The following SLCO2A1 variants were observed in gnomAD, a reference collection of about 807,000 sequenced individuals.
SLCO2A1 encodes solute carrier organic anion transporter family member 2A1.
Under a neutral mutation model 71.7 loss-of-function variants are expected in SLCO2A1, and 60 were observed. The observed-to-expected ratio is 0.84, with a 90% confidence interval of 0.68 to 1.04. SLCO2A1 has a LOEUF of 1.04. SLCO2A1 is among the 50% of genes least tolerant of loss of function. The probability of loss-of-function intolerance (pLI) is 0.00; values close to 1 mark genes in which losing one functional copy is unlikely to be tolerated. For missense variants in SLCO2A1, 745 were observed against 813.4 expected, an observed-to-expected ratio of 0.92 and a Z score of 1.02; for synonymous variants, 308 against 326.7, an observed-to-expected ratio of 0.94 and a Z score of 0.62.
chr3:134,006,812 G>A (rs1294374217), intron 1 of SLCO2A1, among the ~76,000 whole-genome samples: 1 of 152,152 alleles, frequency 6.6e-6, no homozygotes, highest in African/African-American at 2.4e-5. Context: ...TTGAGACCCT[G>A]CTTTCAATGT....
At chr3:133,999,664 G>T (rs547773561) in intron 1 of SLCO2A1, among the ~76,000 whole-genome samples, 2 of 152,316 alleles carry the variant, frequency 1.3e-5, no homozygotes, top group East Asian at 3.9e-4. Flanking sequence ...TGAGGCTGGA[G>T]CTGAGGTTTT....
Position 133,933,985 on chromosome 3 carries a change from C to T in SLCO2A1, c.*728G>A, listed in dbSNP as rs1933205118. The stretch of plus-strand genomic sequence containing the variant: ...AAAGACAGGGATAACATGTGAGGAT[C>T]TAAGGACAGAAAGTCCAGGGTTCAT... On this transcript the variant is annotated 3_prime_UTR_variant, in exon 14 of 14. Transcript: ENST00000310926. The T allele has an allele frequency of 6.6e-6, 1 of 152,258 alleles. No individual in the cohort carries two copies. The highest frequency in any genetic ancestry group is 2.4e-5 in the African/African-American group (1 of 41,454). The allele number at this position is 152,258 out of a possible 1,614,324, so 9.4% of individuals were successfully genotyped here. A position where few individuals can be genotyped will look rare whatever the true frequency, so the allele number is the denominator to read the frequency against.
intron 1 of SLCO2A1, among the ~76,000 whole-genome samples, chr3:134,020,694 GT>G (rs973994601): frequency 1.3e-5 from 2 of 150,638 alleles, no homozygotes; most frequent in African/African-American, 4.9e-5. Flanking sequence ...TTTGGTTTTG[GT>G]TTTGACTTGG....
chr3:133,938,352 G>A (rs941640816), intron 12 of SLCO2A1, 77 bp downstream of exon 12: 11 of 1,269,004 alleles, frequency 8.7e-6, no homozygotes, highest in African/African-American at 7.3e-5. Flanking sequence ...TTCCTCCATC[G>A]CTACCCTGCA....
At position 133,932,721 on chromosome 3, in the gene SLCO2A1, T is replaced by C. The variant is rs1576422138; in HGVS notation, c.*1992A>G. ...TTACCTCAATAGCAAAATTAGAATA[T>C]TTTAATAGTAATATAATAGAATAAA... is the stretch of plus-strand genomic sequence containing the variant. On this transcript the variant is annotated 3_prime_UTR_variant, in exon 14 of 14. Transcript: ENST00000310926. The C allele has an allele frequency of 6.6e-6, 1 of 152,296 alleles. No homozygotes were observed. Among genetic ancestry groups the C allele is most frequent in the East Asian group, 1.9e-4 (1 of 5,204 alleles). 9.4% of individuals were successfully genotyped at this position (152,296 alleles called of 1,614,324 possible). A position where few individuals can be genotyped will look rare whatever the true frequency, so the allele number is the denominator to read the frequency against.
chr3:134,011,113 C>T (rs111233195), intron 1 of SLCO2A1, among the ~76,000 whole-genome samples: 1,745 of 152,200 alleles, frequency 0.011, 41 homozygotes, highest in African/African-American at 0.04. Context: ...TGCAATGGCG[C>T]GATCTCGGCT....
Position 133,938,641 on chromosome 3 carries a change from G to A in SLCO2A1, c.1626-148C>T. Reference sequence around the variant, plus strand: ...GTGACCGGGTTCACCTGGGCTGAATGCTCTAGTTCTTTACATCAGTGGCCT... The same window carrying A: ...GTGACCGGGTTCACCTGGGCTGAATACTCTAGTTCTTTACATCAGTGGCCT... On this transcript the variant is annotated intron_variant, in intron 11 of 13. Coordinates refer to ENST00000310926, the MANE Select transcript of SLCO2A1 (RefSeq NM_005630.3). 3 of 691,552 alleles carry A rather than the reference G, an allele frequency of 4.3e-6. No homozygotes were observed. In the South Asian group the frequency reaches 5.1e-5, roughly 12 times the overall value. The allele number at this position is 691,552 out of a possible 1,614,324, so 42.8% of individuals were successfully genotyped here.
chr3:133,948,816 C>G, intron 7 of SLCO2A1, 77 bp downstream of exon 7: 1 of 1,590,636 alleles, frequency 6.3e-7, no homozygotes, highest in Non-Finnish European at 8.6e-7. Context: ...CACAACACCA[C>G]AGGGGCTGGG....
At chr3:133,985,514 C>T (rs1934693575) in intron 1 of SLCO2A1, among the ~76,000 whole-genome samples, 1 of 152,160 alleles carries the variant, frequency 6.6e-6, no homozygotes, top group African/African-American at 2.4e-5. Context: ...ATTACACGGG[C>T]TGCATTATCT....
At chr3:133,962,540 C>T (rs1022135565) in intron 3 of SLCO2A1, among the ~76,000 whole-genome samples, 15 of 152,152 alleles carry the variant, frequency 9.9e-5, no homozygotes, top group African/African-American at 3.6e-4. Context: ...CGTGGGCAGC[C>T]TCTGATCTAG....
rs183741705 is a variant in SLCO2A1 at position 133,978,140 on chromosome 3, G to A, written c.234+1341C>T. ...CATGGAGGGGTGCCCATGAAGTGAG[G>A]GGCACCAATGAAGATTCCAGCGATG... is the stretch of plus-strand genomic sequence containing the variant. On this transcript the variant is annotated intron_variant, in intron 2 of 13. Coordinates refer to ENST00000310926, the MANE Select transcript of SLCO2A1 (RefSeq NM_005630.3). Among the ~76,000 whole-genome samples, 29 of 152,264 alleles carry A rather than the reference G, an allele frequency of 1.9e-4. No homozygotes were observed. In the East Asian group the frequency reaches 5.4e-3, roughly 28 times the overall value.
At chr3:134,013,391 G>T (rs2108075683) in intron 1 of SLCO2A1, among the ~76,000 whole-genome samples, 1 of 152,328 alleles carries the variant, frequency 6.6e-6, no homozygotes, top group South Asian at 2.1e-4. Context: ...AGCAGCAGGA[G>T]TGTGACTCTG....
intron 5 of SLCO2A1, among the ~76,000 whole-genome samples, chr3:133,952,729 A>G (rs1933776124): frequency 6.6e-6 from 1 of 152,222 alleles, no homozygotes; most frequent in African/African-American, 2.4e-5. Flanking sequence ...CTTAATATAC[A>G]TTAGGCTTGT....
chr3:133,964,753 T>C (rs896647191), intron 3 of SLCO2A1, among the ~76,000 whole-genome samples: 1 of 152,182 alleles, frequency 6.6e-6, no homozygotes, highest in African/African-American at 2.4e-5. Context: ...CTAGGGAAAA[T>C]GCCTACTTGT....
chr3:134,002,091 C>A (rs968657889), intron 1 of SLCO2A1, among the ~76,000 whole-genome samples: 1 of 152,224 alleles, frequency 6.6e-6, no homozygotes, highest in Non-Finnish European at 1.5e-5. Flanking sequence ...TTAACTTGAA[C>A]CTGTAAACAT....
chr3:133,965,905 G>A (rs1934153912), intron 3 of SLCO2A1, among the ~76,000 whole-genome samples: 1 of 152,226 alleles, frequency 6.6e-6, no homozygotes, highest in Admixed American at 6.5e-5. Context: ...AGACTGACCT[G>A]GGACTGATGG....
intron 2 of SLCO2A1, among the ~76,000 whole-genome samples, chr3:133,975,852 C>A (rs565324018): frequency 6.6e-6 from 1 of 152,320 alleles, no homozygotes; most frequent in African/African-American, 2.4e-5. Flanking sequence ...TTAAAATACA[C>A]CTACATCCCC....
intron 3 of SLCO2A1, among the ~76,000 whole-genome samples, chr3:133,963,505 A>T (rs1467914673): frequency 6.6e-6 from 1 of 152,248 alleles, no homozygotes. Context: ...AGTCATTCTC[A>T]TCATTCTAGT....
chr3:133,998,717 C>A (rs950183694), intron 1 of SLCO2A1: 1 of 152,272 alleles, frequency 6.6e-6, no homozygotes, highest in African/African-American at 2.4e-5. Flanking sequence ...ATGGCAAATT[C>A]TTGCAACCAC....
Sources: gnomAD v4.1 joint callset for allele counts (sites outside exome capture counted in the v4.1 genomes callset) on GRCh38, gnomAD v4.1.1 for gene constraint, MANE v1.5 for transcripts, NCBI Gene and HGNC (gene_info 2026-07-23, HGNC 2026-07-21) for gene names.